Variants in SUPT3H observed in about 807,000 individuals in gnomAD.
The protein encoded by SUPT3H is transcription initiation protein SPT3 homolog.
In SUPT3H, 44 loss-of-function variants were observed where a neutral mutation model predicts 44.3. The ratio of observed to expected loss-of-function variants is 0.99; its 90% CI spans 0.78 to 1.28. The LOEUF is 1.28. Ranked by LOEUF, SUPT3H falls within the 50% of genes most tolerant of loss-of-function variation. The pLI is 0.00. For missense variants in SUPT3H, 380 were observed against 387.1 expected (o/e 0.98, Z 0.15); for synonymous variants, 124 against 125.6 (o/e 0.99, Z 0.09).
intron 2 of SUPT3H, among the ~76,000 whole-genome samples, chr6:45,227,572 T>C (rs962764664): frequency 1.3e-5 from 2 of 152,202 alleles, no homozygotes; most frequent in Non-Finnish European, 2.9e-5. Flanking sequence ...TGGACTTCCT[T>C]TTCCATTTTA....
intron 3 of SUPT3H, among the ~76,000 whole-genome samples, chr6:45,036,015 T>G (rs1246072726): frequency 6.6e-6 from 1 of 151,978 alleles, no homozygotes; most frequent in Non-Finnish European, 1.5e-5. Context: ...CTAGGCACAA[T>G]GGATGAAAAG....
At chr6:44,911,211 T>C (rs1200774356) in intron 10 of SUPT3H, among the ~76,000 whole-genome samples, 1 of 152,136 alleles carries the variant, frequency 6.6e-6, no homozygotes, top group Non-Finnish European at 1.5e-5. Context: ...CTTCTGTTGT[T>C]CTCTTTTAGT....
chr6:45,001,021 A>G (rs1181006195), intron 6 of SUPT3H, among the ~76,000 whole-genome samples: 1 of 152,102 alleles, frequency 6.6e-6, no homozygotes. Context: ...GTTCTTAGGC[A>G]CAGCTCTTCT....
At chr6:45,104,144 C>T (rs1366747918) in intron 3 of SUPT3H, among the ~76,000 whole-genome samples, 1 of 152,044 alleles carries the variant, frequency 6.6e-6, no homozygotes, top group African/African-American at 2.4e-5. Flanking sequence ...GAATAATGAG[C>T]ATGGGAAATG....
chr6:45,305,930 C>G (rs981514579), intron 2 of SUPT3H, among the ~76,000 whole-genome samples: 1 of 152,210 alleles, frequency 6.6e-6, no homozygotes. Context: ...AGTACCAAAC[C>G]AGCTATCACA....
At chr6:45,008,547 G>T (rs1417085882) in intron 5 of SUPT3H, among the ~76,000 whole-genome samples, 1 of 151,850 alleles carries the variant, frequency 6.6e-6, no homozygotes, top group East Asian at 1.9e-4. Flanking sequence ...TAGAGATGGG[G>T]TCTTGCTTTG....
At chr6:45,050,173 CT>C (rs1371647869) in intron 3 of SUPT3H, among the ~76,000 whole-genome samples, 1 of 152,140 alleles carries the variant, frequency 6.6e-6, no homozygotes, top group Non-Finnish European at 1.5e-5. Context: ...TTGAAAGCCA[CT>C]GCAGCAGATT....
In SUPT3H at chr6:45,020,672, C is replaced by G. The variant is rs1001168668; in HGVS notation, c.187-40G>C. The G allele has an allele frequency of 4.2e-6, 6 of 1,438,180 alleles. No homozygotes were observed. The African/African-American group carries it at 7.0e-5, about 17-fold the overall frequency. The allele number at this position is 1,438,180 out of a possible 1,614,324, so 89.1% of individuals were successfully genotyped here. A position where few individuals can be genotyped will look rare whatever the true frequency, so the allele number is the denominator to read the frequency against. On this transcript the variant is annotated intron_variant, in intron 3 of 10. Transcript: ENST00000371459. The stretch of plus-strand genomic sequence containing the variant: ...AATTTAGAAATTTTTCTCAGTAACA[C>G]AAATTATATATAGTACAGTCATGAT...
At chr6:45,265,861 C>T (rs929515015) in intron 2 of SUPT3H, among the ~76,000 whole-genome samples, 9 of 151,924 alleles carry the variant, frequency 5.9e-5, no homozygotes, top group Non-Finnish European at 1.2e-4. Flanking sequence ...CACACTATAA[C>T]AATAAAATAG....
intron 2 of SUPT3H, among the ~76,000 whole-genome samples, chr6:45,244,458 G>A (rs994961663): frequency 1.3e-5 from 2 of 151,794 alleles, no homozygotes; most frequent in Non-Finnish European, 2.9e-5. Flanking sequence ...CCAATCTTAT[G>A]CTCTCCTTCA....
chr6:44,876,505 G>C (rs1305643386), intron 10 of SUPT3H, among the ~76,000 whole-genome samples: 1 of 122,716 alleles, frequency 8.1e-6, no homozygotes, highest in African/African-American at 3.0e-5. Context: ...GACTGTGGTG[G>C]GGTCGGGGGA....
intron 2 of SUPT3H, among the ~76,000 whole-genome samples, chr6:45,221,354 A>C (rs1340224310): frequency 6.6e-6 from 1 of 152,196 alleles, no homozygotes; most frequent in Non-Finnish European, 1.5e-5. Flanking sequence ...CATGTACCCT[A>C]GAACTTAAAG....
rs932722953 is a variant in SUPT3H at position 45,217,407 on chromosome 6, G to A, written c.102-111401C>T. ...AGACAATCACTTGAACCCAGGAGGC[G>A]GAGGCTGCAGTGAGCCGACATCACG... On this transcript the variant is annotated intron_variant, in intron 2 of 10. Transcript: ENST00000371459. Among the ~76,000 whole-genome samples the A allele has an allele frequency of 3.0e-4, 45 of 150,262 alleles. 1 individual carries two copies. Among genetic ancestry groups the A allele is most frequent in the Non-Finnish European group, 4.0e-4 (27 of 66,938 alleles).
At chr6:45,282,323 G>A (rs982331484) in intron 2 of SUPT3H, among the ~76,000 whole-genome samples, 1 of 35,538 alleles carries the variant, frequency 2.8e-5, no homozygotes, top group South Asian at 1.3e-3. Flanking sequence ...TCGCAAAGAA[G>A]TTAAAAACCT....
At chr6:45,041,183 A>ATAAC (rs1476910419) in intron 3 of SUPT3H, among the ~76,000 whole-genome samples, 1 of 152,230 alleles carries the variant, frequency 6.6e-6, no homozygotes, top group African/African-American at 2.4e-5. Flanking sequence ...AAATAAATAA[A>ATAAC]TGAAATATTT....
chr6:45,151,197 GA>G (rs2153596235), intron 2 of SUPT3H, among the ~76,000 whole-genome samples: 1 of 152,182 alleles, frequency 6.6e-6, no homozygotes, highest in South Asian at 2.1e-4. Context: ...TGGGTATGCA[GA>G]TAGTAAACTA....
intron 2 of SUPT3H, among the ~76,000 whole-genome samples, chr6:45,116,131 T>C (rs1012749865): frequency 3.3e-5 from 5 of 152,210 alleles, no homozygotes; most frequent in African/African-American, 1.2e-4. Context: ...TTTCTGTTTT[T>C]ATTTCAGATA....
intron 1 of SUPT3H, among the ~76,000 whole-genome samples, chr6:45,366,872 A>C (rs1352380831): frequency 6.6e-6 from 1 of 151,718 alleles, no homozygotes; most frequent in Non-Finnish European, 1.5e-5. Context: ...CCTTCTAAAA[A>C]CTCTTAGCTA....
chr6:45,236,531 C>T (rs1192677715), intron 2 of SUPT3H, among the ~76,000 whole-genome samples: 1 of 152,066 alleles, frequency 6.6e-6, no homozygotes, highest in East Asian at 1.9e-4. Flanking sequence ...TTCATCCCTA[C>T]CCTTCTGCAC....
Sources: gnomAD v4.1 joint callset for allele counts (sites outside exome capture counted in the v4.1 genomes callset) on GRCh38, gnomAD v4.1.1 for gene constraint, MANE v1.5 for transcripts, NCBI Gene and HGNC (gene_info 2026-07-23, HGNC 2026-07-21) for gene names.